Variants in FGGY observed in about 807,000 individuals in gnomAD.
FGGY encodes FGGY carbohydrate kinase domain containing.
FGGY carries 72 observed loss-of-function variants against 71.3 expected under a neutral mutation model. The observed-to-expected ratio is 1.01, with a 90% confidence interval of 0.84 to 1.23. The LOEUF (loss-of-function observed/expected upper bound fraction) is 1.23. Ranked by LOEUF, FGGY falls within the 50% of genes most tolerant of loss-of-function variation. The pLI, the probability that FGGY is intolerant of heterozygous loss-of-function variation, is 0.00. For synonymous variants in FGGY, 251 were observed against 250.3 expected (o/e 1.00, Z -0.02); for missense variants, 668 against 682.3 (o/e 0.98, Z 0.23).
chr1:59,487,417 T>A (rs2093688933), intron 6 of FGGY, among the ~76,000 whole-genome samples: 1 of 152,176 alleles, frequency 6.6e-6, no homozygotes, highest in African/African-American at 2.4e-5. Context: ...TGCCAGATTA[T>A]ACATTCCATG....
At chr1:59,466,535 C>G (rs1056130003) in intron 6 of FGGY, among the ~76,000 whole-genome samples, 17 of 152,160 alleles carry the variant, frequency 1.1e-4, no homozygotes, top group African/African-American at 4.1e-4. Flanking sequence ...AGCTTCTGCA[C>G]AGCAAAAGAA....
chr1:59,436,752 AG>A (rs2068565520), intron 5 of FGGY, among the ~76,000 whole-genome samples: 1 of 152,168 alleles, frequency 6.6e-6, no homozygotes, highest in African/African-American at 2.4e-5. Context: ...GACTGGGTAA[AG>A]TTGAATGACG....
intron 5 of FGGY, among the ~76,000 whole-genome samples, chr1:59,432,167 G>A (rs2153461467): frequency 6.6e-6 from 1 of 152,336 alleles, no homozygotes; most frequent in African/African-American, 2.4e-5. Context: ...TGGTGAACAA[G>A]TGGAGGTGCC....
At chr1:59,496,249 C>A (rs2094027092) in intron 6 of FGGY, among the ~76,000 whole-genome samples, 1 of 151,912 alleles carries the variant, frequency 6.6e-6, no homozygotes, top group Admixed American at 6.6e-5. Flanking sequence ...TGTCACTATT[C>A]AAAATAGCAA....
At chr1:59,453,441 G>C (rs537054878) in intron 5 of FGGY, among the ~76,000 whole-genome samples, 10 of 152,276 alleles carry the variant, frequency 6.6e-5, no homozygotes, top group African/African-American at 2.4e-4. Context: ...CACAACCAAT[G>C]CTTGTTAGTT....
At chr1:59,332,602 C>A (rs750378220) in intron 2 of FGGY, among the ~76,000 whole-genome samples, 3 of 152,112 alleles carry the variant, frequency 2.0e-5, no homozygotes, top group African/African-American at 7.2e-5. Flanking sequence ...AAATGCATGC[C>A]ACAGTTACTC....
intron 8 of FGGY, among the ~76,000 whole-genome samples, chr1:59,596,613 C>T (rs1558491483): frequency 6.6e-6 from 1 of 152,160 alleles, no homozygotes; most frequent in Admixed American, 6.6e-5. Context: ...GGGAGTGACT[C>T]AGGCTTGCCT....
At chr1:59,754,334 C>T (rs1221105756) in intron 14 of FGGY, among the ~76,000 whole-genome samples, 2 of 152,178 alleles carry the variant, frequency 1.3e-5, no homozygotes, top group African/African-American at 4.8e-5. Flanking sequence ...TGTCTATTCT[C>T]ATAGATTGCT....
chr1:59,376,283 T>G (rs2058652949), intron 4 of FGGY, among the ~76,000 whole-genome samples: 1 of 152,212 alleles, frequency 6.6e-6, no homozygotes, highest in South Asian at 2.1e-4. Flanking sequence ...GCAGGTCCCT[T>G]TCTAGACACA....
At chr1:59,359,910 C>G (rs770673461) in intron 4 of FGGY, among the ~76,000 whole-genome samples, 17 of 152,210 alleles carry the variant, frequency 1.1e-4, no homozygotes, top group Middle Eastern at 3.4e-3. Flanking sequence ...CTAAGTGGCT[C>G]TATCCTACCT....
chr1:59,355,382 C>T (rs1229655448), intron 4 of FGGY, among the ~76,000 whole-genome samples: 1 of 152,070 alleles, frequency 6.6e-6, no homozygotes, highest in African/African-American at 2.4e-5. Flanking sequence ...AAAGACTGGC[C>T]ATATACACAC....
At chr1:59,628,194 G>A (rs1177113174) in intron 10 of FGGY, among the ~76,000 whole-genome samples, 1 of 152,130 alleles carries the variant, frequency 6.6e-6, no homozygotes, top group Admixed American at 6.5e-5. Context: ...CCTTACCCAA[G>A]TGATGAAAGT....
intron 2 of FGGY, among the ~76,000 whole-genome samples, chr1:59,337,514 C>T (rs897454654): frequency 6.6e-6 from 1 of 152,166 alleles, no homozygotes; most frequent in Non-Finnish European, 1.5e-5. Context: ...CCCTCACAGA[C>T]ACACCCAGAA....
At chr1:59,608,023 G>A (rs1186538482) in intron 9 of FGGY, 113 bp downstream of exon 9, 14 of 775,022 alleles carry the variant, frequency 1.8e-5, no homozygotes, top group Middle Eastern at 2.5e-4. Context: ...CCCCTGAATC[G>A]GGGTGTACTT....
intron 12 of FGGY, among the ~76,000 whole-genome samples, chr1:59,663,435 A>G (rs1287193630): frequency 6.6e-6 from 1 of 152,226 alleles, no homozygotes; most frequent in African/African-American, 2.4e-5. Context: ...TGTCTCACAG[A>G]GGTTCCTTTC....
intron 6 of FGGY, among the ~76,000 whole-genome samples, chr1:59,483,525 T>C (rs2093566947): frequency 6.6e-6 from 1 of 152,234 alleles, no homozygotes. Context: ...TAAACAGGAC[T>C]ATTTTCTACT....
intron 7 of FGGY, among the ~76,000 whole-genome samples, chr1:59,523,954 C>T (rs2094905468): frequency 6.6e-6 from 1 of 152,206 alleles, no homozygotes; most frequent in Non-Finnish European, 1.5e-5. Context: ...GGTGGGAGCC[C>T]TGTCCCCTAC....
At chr1:59,356,870 T>G (rs1433447452) in intron 4 of FGGY, among the ~76,000 whole-genome samples, 1 of 152,206 alleles carries the variant, frequency 6.6e-6, no homozygotes, top group African/African-American at 2.4e-5. Flanking sequence ...ACTGAGACAG[T>G]AACTCCTCTG....
intron 7 of FGGY, among the ~76,000 whole-genome samples, chr1:59,553,520 G>A (rs977148253): frequency 6.6e-6 from 1 of 152,132 alleles, no homozygotes; most frequent in Non-Finnish European, 1.5e-5. Flanking sequence ...CTAGGAACTC[G>A]CTCTCAGTCA....
Sources: allele counts gnomAD v4.1 joint callset (sites outside exome capture counted in the v4.1 genomes callset), GRCh38; gene constraint gnomAD v4.1.1; transcripts MANE v1.5; gene names NCBI Gene and HGNC (gene_info 2026-07-23, HGNC 2026-07-21).